Variants in FOXP1 observed in about 807,000 individuals in gnomAD.
FOXP1 encodes the protein forkhead box P1.
Under a neutral mutation model 98.2 loss-of-function variants are expected in FOXP1, and 15 were observed. The ratio of observed to expected loss-of-function variants is 0.15; its 90% CI spans 0.10 to 0.24. The LOEUF is 0.24. FOXP1 is among the 10% of genes least tolerant of loss of function. FOXP1 has a pLI of 1.00. For synonymous variants in FOXP1, 371 were observed against 314.5 expected (o/e 1.18, Z -1.90); for missense variants, 633 against 848.5 (o/e 0.75, Z 3.15).
chr3:70,975,092 C>A (rs2037215038), intron 17 of FOXP1, among the ~76,000 whole-genome samples: 1 of 152,206 alleles, frequency 6.6e-6, no homozygotes, highest in African/African-American at 2.4e-5. Flanking sequence ...GTCACTATTT[C>A]ATCTAAGGCT....
At chr3:71,462,486 G>A (rs1346146363) in intron 3 of FOXP1, among the ~76,000 whole-genome samples, 1 of 152,086 alleles carries the variant, frequency 6.6e-6, no homozygotes, top group Non-Finnish European at 1.5e-5. Flanking sequence ...TATCCATGAT[G>A]GGCCAACTAC....
At chr3:71,360,266 G>A (rs923323461) in intron 3 of FOXP1, among the ~76,000 whole-genome samples, 1 of 152,160 alleles carries the variant, frequency 6.6e-6, no homozygotes, top group African/African-American at 2.4e-5. Context: ...TACATACATG[G>A]ACACAGGCGC....
chr3:71,136,172 GT>G (rs1443699097), intron 6 of FOXP1, among the ~76,000 whole-genome samples: 1 of 152,168 alleles, frequency 6.6e-6, no homozygotes, highest in Non-Finnish European at 1.5e-5. Flanking sequence ...ACCTTTGAAG[GT>G]TTAATTCAAT....
intron 4 of FOXP1, among the ~76,000 whole-genome samples, chr3:71,358,501 C>T (rs1182451405): frequency 6.6e-6 from 1 of 152,208 alleles, no homozygotes; most frequent in Non-Finnish European, 1.5e-5. Context: ...TAAGGAGTTT[C>T]GAAATTTTCA....
At chr3:71,185,154 T>C (rs1337911242) in intron 6 of FOXP1, among the ~76,000 whole-genome samples, 4 of 151,928 alleles carry the variant, frequency 2.6e-5, no homozygotes, top group African/African-American at 7.3e-5. Context: ...GATCAAGCCA[T>C]TGCACTCTAG....
intron 4 of FOXP1, among the ~76,000 whole-genome samples, chr3:71,329,397 A>G (rs2076152266): frequency 6.6e-6 from 1 of 151,540 alleles, no homozygotes; most frequent in Non-Finnish European, 1.5e-5. Context: ...ATTTTTTTGT[A>G]TTTTTAGTAG....
intron 11 of FOXP1, among the ~76,000 whole-genome samples, chr3:71,032,869 T>A (rs1167689301): frequency 6.6e-6 from 1 of 152,152 alleles, no homozygotes; most frequent in Non-Finnish European, 1.5e-5. Context: ...AAGCCCCTTT[T>A]CCTCTCAAAG....
chr3:71,521,897 C>T (rs2043020854), intron 2 of FOXP1, among the ~76,000 whole-genome samples: 1 of 152,152 alleles, frequency 6.6e-6, no homozygotes, highest in Non-Finnish European at 1.5e-5. Context: ...CTTTTAAGCA[C>T]ATCACTGATG....
chr3:71,519,438 T>C (rs1413645680), intron 2 of FOXP1, among the ~76,000 whole-genome samples: 1 of 152,194 alleles, frequency 6.6e-6, no homozygotes, highest in Non-Finnish European at 1.5e-5. Flanking sequence ...ACCTCTAACC[T>C]GTCTCTTCCT....
At chr3:71,426,406 G>A (rs1056937968) in intron 3 of FOXP1, among the ~76,000 whole-genome samples, 1 of 152,076 alleles carries the variant, frequency 6.6e-6, no homozygotes, top group African/African-American at 2.4e-5. Context: ...AGAATTCAGG[G>A]GAGACTATTC....
chr3:70,964,330 C>A (rs191504509), intron 20 of FOXP1, among the ~76,000 whole-genome samples: 1 of 152,300 alleles, frequency 6.6e-6, no homozygotes, highest in East Asian at 1.9e-4. Flanking sequence ...CAGTGACTTT[C>A]TTTCGTACAG....
At position 71,454,908 on chromosome 3, in the gene FOXP1, T is replaced by C. The variant is rs757603847; in HGVS notation, c.-168+38518A>G. On this transcript the variant is annotated intron_variant, in intron 3 of 20. Coordinates refer to ENST00000649528, the MANE Select transcript of FOXP1 (RefSeq NM_001349338.3). ...GGGCCCACACCAGTCTGAAAACCAC[T>C]GAGCAACTTCAAATGTGCATCTCCT... Among the ~76,000 whole-genome samples, 10 of 152,280 alleles carry C rather than the reference T, an allele frequency of 6.6e-5. No homozygotes were observed. The Middle Eastern group carries it at 0.017, about 259-fold the overall frequency.
At chr3:71,398,709 C>T (rs554188509) in intron 3 of FOXP1, among the ~76,000 whole-genome samples, 1 of 152,298 alleles carries the variant, frequency 6.6e-6, no homozygotes, top group Admixed American at 6.5e-5. Context: ...TGCACTTTGT[C>T]TTCCTGCCAA....
chr3:71,122,204 C>T (rs1324668953), intron 6 of FOXP1, among the ~76,000 whole-genome samples: 1 of 152,066 alleles, frequency 6.6e-6, no homozygotes, highest in Admixed American at 6.6e-5. Flanking sequence ...CTCGGGATGC[C>T]CTAAGAGGCA....
At chr3:71,298,470 GAAAAAAAAAGA>G (rs1238972207) in intron 5 of FOXP1, among the ~76,000 whole-genome samples, 1 of 135,730 alleles carries the variant, frequency 7.4e-6, no homozygotes, top group East Asian at 2.1e-4. Context: ...GTCTCAAAAA[GAAAAAAAAAGA>G]AAAAAAGAAA....
intron 6 of FOXP1, among the ~76,000 whole-genome samples, chr3:71,151,352 T>C (rs1043724692): frequency 1.3e-5 from 2 of 152,128 alleles, no homozygotes; most frequent in African/African-American, 4.8e-5. Context: ...ATTTATATAA[T>C]AGGAACACTG....
At chr3:71,349,670 G>A (rs1229963822) in intron 4 of FOXP1, among the ~76,000 whole-genome samples, 1 of 152,106 alleles carries the variant, frequency 6.6e-6, no homozygotes, top group African/African-American at 2.4e-5. Context: ...CAGGGCACAT[G>A]GAAAAACATT....
intron 5 of FOXP1, among the ~76,000 whole-genome samples, chr3:71,280,126 CAAAA>C (rs56674677): frequency 7.4e-4 from 79 of 106,196 alleles, no homozygotes; most frequent in Middle Eastern, 7.9e-3. Context: ...CTGTCTCAAA[CAAAA>C]AAAAAAAAAA....
At position 70,977,892 on chromosome 3, in the gene FOXP1, G is replaced by A. The variant is rs1559620473; in HGVS notation, c.1284C>T (p.Ser428=). The change falls in exon 15 of 21, where the codon AGC becomes AGT. Residue 428 remains serine (S), a synonymous_variant. Coordinates refer to ENST00000649528, the MANE Select transcript of FOXP1 (RefSeq NM_001349338.3). ...TGCGGATGGGTCCCACCGTGTGCAT[G>A]CTGGTGGTTGTGATGACAGAGGGGC... ...TQGPSVITTT[S]MHTVGPIRRR... is the part of the protein sequence containing the mutation. 3.1e-6 allele frequency: 5 copies of A among 1,614,186 alleles called. No homozygotes were observed. The highest frequency in any genetic ancestry group is 3.4e-6 in the Non-Finnish European group (4 of 1,180,026).
Sources: gnomAD v4.1 joint callset for allele counts (sites outside exome capture counted in the v4.1 genomes callset) on GRCh38, gnomAD v4.1.1 for gene constraint, MANE v1.5 for transcripts, NCBI Gene and HGNC (gene_info 2026-07-23, HGNC 2026-07-21) for gene names.